CABIN1: variants seen among roughly 807,000 people sequenced by gnomAD.
CABIN1 encodes calcineurin binding protein 1, also known as calcineurin-binding protein cabin-1.
Under a neutral mutation model 227.7 loss-of-function variants are expected in CABIN1, and 133 were observed. The observed-to-expected ratio is 0.58, with a 90% CI of 0.51 to 0.67. The LOEUF (loss-of-function observed/expected upper bound fraction) is 0.67, where lower values mean the gene tolerates loss of function less well. Among genes scored for constraint, CABIN1 ranks in the 30% least tolerant of loss-of-function variants. CABIN1 has a pLI of 0.00. For missense variants in CABIN1, 2,408 were observed against 2,852.5 expected (o/e 0.84, Z 3.55); for synonymous variants, 1,086 against 1,155.1 (o/e 0.94, Z 1.21).
chr22:24,052,145 A>G (rs1776827064), intron 8 of CABIN1, among the ~76,000 whole-genome samples: 1 of 152,132 alleles, frequency 6.6e-6, no homozygotes. Context: ...GAACACTAGA[A>G]GGGATTGTGG....
In CABIN1 at chr22:24,103,802, G is replaced by A. The variant is rs1030931781; in HGVS notation, c.4117+5610G>A. Among the ~76,000 whole-genome samples the A allele has an allele frequency of 5.3e-5, 8 of 152,296 alleles. No individual in the cohort carries two copies. The South Asian group carries it at 1.4e-3, about 28-fold the overall frequency. On this transcript the variant is annotated intron_variant, in intron 26 of 36. Transcript: ENST00000263119. ...TTGTGTGCCAGGCATGGAAAAGGGT[G>A]CCATGGGGAAAGTCAAGATGATGGT...
intron 1 of CABIN1, among the ~76,000 whole-genome samples, chr22:24,019,987 A>C (rs2035605627): frequency 6.6e-6 from 1 of 152,060 alleles, no homozygotes; most frequent in African/African-American, 2.4e-5. Flanking sequence ...TAATTGATTT[A>C]TCTCTTCTAA....
In CABIN1 at chr22:24,159,638, G is replaced by A. The variant is rs541611316; in HGVS notation, c.4747-4762G>A. On this transcript the variant is annotated intron_variant, in intron 29 of 36. Coordinates refer to ENST00000263119, the MANE Select transcript of CABIN1 (RefSeq NM_012295.4). The stretch of plus-strand genomic sequence containing the variant: ...TTCTGCCCTCTTGCTTGAGCCTCAC[G>A]TGGCATCCCAGCTGGGCATGGCCCT... 1.1e-4 allele frequency among the ~76,000 whole-genome samples: 16 copies of A among 152,258 alleles called. No individual in the cohort carries two copies. In the East Asian group the frequency reaches 1.5e-3, roughly 15 times the overall value.
intron 29 of CABIN1, among the ~76,000 whole-genome samples, chr22:24,136,524 A>ATTTTGTTTTTTTTTTTTT (rs2044416246): frequency 1.4e-5 from 1 of 69,894 alleles, no homozygotes; most frequent in Non-Finnish European, 2.7e-5. Context: ...TAATTTTTGT[A>ATTTTGTTTTTTTTTTTTT]TTTTTTTTTT....
chr22:24,128,841 G>C (rs1328244727), intron 28 of CABIN1, among the ~76,000 whole-genome samples: 2 of 152,228 alleles, frequency 1.3e-5, no homozygotes, highest in Non-Finnish European at 2.9e-5. Flanking sequence ...CACTGCTCCA[G>C]GATCCCCACC....
At position 24,050,825 on chromosome 22, in the gene CABIN1, T is replaced by C. The variant is rs771865388; in HGVS notation, c.657T>C (p.Cys219=). The C allele has an allele frequency of 1.2e-6, 2 of 1,614,228 alleles. No individual in the cohort carries two copies. Among genetic ancestry groups the C allele is most frequent in the Non-Finnish European group, 1.7e-6 (2 of 1,180,042 alleles). Residue 219 remains cysteine (C), a splice_region_variant and synonymous_variant, in exon 8 of 37, where the codon TGT becomes TGC. Coordinates refer to ENST00000263119, the MANE Select transcript of CABIN1 (RefSeq NM_012295.4). ...RKDSLRMFLK[C]DMSIHDVSVS... is the part of the protein sequence containing the mutation. Reference sequence around the variant, plus strand: ...TTCTCCCTGTCTCACATGCTTTTAGTGACATGTCGATTCACGATGTTTCGG... The same window carrying C: ...TTCTCCCTGTCTCACATGCTTTTAGCGACATGTCGATTCACGATGTTTCGG...
At chr22:24,158,163 G>A (rs751778774) in intron 29 of CABIN1, among the ~76,000 whole-genome samples, 1 of 152,196 alleles carries the variant, frequency 6.6e-6, no homozygotes, top group Admixed American at 6.5e-5. Flanking sequence ...GCAGAGCTGA[G>A]CTCCTCCAGG....
At chr22:24,086,565 G>A (rs1185484187) in intron 22 of CABIN1, among the ~76,000 whole-genome samples, 2 of 152,248 alleles carry the variant, frequency 1.3e-5, no homozygotes, top group African/African-American at 4.8e-5. Context: ...TGCTAGGCGA[G>A]ACTTGGTGCT....
At chr22:24,056,654 TGGGAGGCAGAG>T in intron 10 of CABIN1, 1 of 390,896 alleles carries the variant, frequency 2.6e-6, no homozygotes, top group Non-Finnish European at 4.7e-6. Context: ...TATTTGTTGC[TGGGAGGCAGAG>T]GGGTGCTGTG....
At chr22:24,057,737 G>A (rs967632999) in intron 10 of CABIN1, among the ~76,000 whole-genome samples, 4 of 152,208 alleles carry the variant, frequency 2.6e-5, no homozygotes, top group African/African-American at 9.7e-5. Flanking sequence ...AAGGTGAAAT[G>A]CTTAGAAATA....
intron 22 of CABIN1, 56 bp downstream of exon 22, chr22:24,085,207 A>G: frequency 6.3e-7 from 1 of 1,592,670 alleles, no homozygotes; most frequent in Non-Finnish European, 8.6e-7. Flanking sequence ...GGGTGACTCC[A>G]GCTCAGCAAG....
chr22:24,158,464 G>T (rs2045965393), intron 29 of CABIN1, among the ~76,000 whole-genome samples: 1 of 152,220 alleles, frequency 6.6e-6, no homozygotes, highest in African/African-American at 2.4e-5. Context: ...GCAGTGAAGG[G>T]CTCTGTGGTC....
intron 33 of CABIN1, among the ~76,000 whole-genome samples, chr22:24,169,011 G>A (rs1158863052): frequency 6.6e-6 from 1 of 151,962 alleles, no homozygotes. Context: ...AGGAAGCAAG[G>A]CAGCAACACT....
chr22:24,017,419 A>G (rs1315345771), intron 1 of CABIN1, among the ~76,000 whole-genome samples: 4 of 152,080 alleles, frequency 2.6e-5, no homozygotes, highest in Admixed American at 2.0e-4. Flanking sequence ...CATCACCACC[A>G]TCCATCTCCG....
intron 1 of CABIN1, among the ~76,000 whole-genome samples, chr22:24,025,776 G>A (rs548153593): frequency 6.6e-6 from 1 of 152,280 alleles, no homozygotes; most frequent in Admixed American, 6.5e-5. Context: ...CCAGGCTGAA[G>A]TTATCCTCCC....
At chr22:24,032,413 C>G (rs1413445859) in intron 1 of CABIN1, among the ~76,000 whole-genome samples, 1 of 152,164 alleles carries the variant, frequency 6.6e-6, no homozygotes, top group African/African-American at 2.4e-5. Context: ...TGCTTCTTAC[C>G]TTTTGGCTAT....
At chr22:24,113,215 C>T (rs967310788) in intron 26 of CABIN1, among the ~76,000 whole-genome samples, 19 of 152,364 alleles carry the variant, frequency 1.2e-4, no homozygotes, top group African/African-American at 4.1e-4. Flanking sequence ...GACAACAGCA[C>T]GTTGGTAACT....
intron 29 of CABIN1, among the ~76,000 whole-genome samples, chr22:24,157,368 A>C (rs1242312677): frequency 1.3e-5 from 2 of 152,156 alleles, no homozygotes; most frequent in African/African-American, 4.8e-5. Context: ...GGGAGGCTCC[A>C]GAAGGGGCAA....
At chr22:24,016,078 C>T (rs1475958691) in intron 1 of CABIN1, among the ~76,000 whole-genome samples, 1 of 152,198 alleles carries the variant, frequency 6.6e-6, no homozygotes, top group Non-Finnish European at 1.5e-5. Context: ...CAAGCATCAT[C>T]GCAATACATT....
Sources: allele counts gnomAD v4.1 joint callset (sites outside exome capture counted in the v4.1 genomes callset), GRCh38; gene constraint gnomAD v4.1.1; transcripts MANE v1.5; gene names NCBI Gene and HGNC (gene_info 2026-07-23, HGNC 2026-07-21).